CHN2: variants seen among roughly 807,000 people sequenced by gnomAD.
The protein encoded by CHN2 is chimerin 2.
CHN2 carries 35 observed loss-of-function variants against 56.3 expected under a neutral mutation model. The observed-to-expected ratio is 0.62, with a 90% confidence interval of 0.47 to 0.82. The LOEUF is 0.82. CHN2 is among the 40% of genes least tolerant of loss of function. CHN2 has a pLI of 0.00. For missense variants in CHN2, 491 were observed against 580.5 expected, an observed-to-expected ratio of 0.85 and a Z score of 1.58; for synonymous variants, 210 against 212.8, an observed-to-expected ratio of 0.99 and a Z score of 0.12.
chr7:29,389,594 G>A (rs1377976066), intron 3 of CHN2, among the ~76,000 whole-genome samples: 1 of 152,024 alleles, frequency 6.6e-6, no homozygotes, highest in Non-Finnish European at 1.5e-5. Context: ...TACCTTTAAG[G>A]ATATTCACAA....
At chr7:29,415,386 G>T (rs905626449) in intron 6 of CHN2, among the ~76,000 whole-genome samples, 3 of 152,196 alleles carry the variant, frequency 2.0e-5, no homozygotes, top group African/African-American at 7.2e-5. Context: ...CTCAAGTGGG[G>T]AGTTCCCACC....
intron 1 of CHN2, among the ~76,000 whole-genome samples, chr7:29,267,237 C>CTTT (rs11436051): frequency 4.1e-5 from 6 of 144,730 alleles, no homozygotes; most frequent in Admixed American, 2.8e-4. Flanking sequence ...GTGCATATTT[C>CTTT]TTTTTTTTTT....
intron 2 of CHN2, among the ~76,000 whole-genome samples, chr7:29,172,298 A>G (rs185661930): frequency 1.3e-5 from 2 of 152,350 alleles, no homozygotes. Context: ...GATTTCTGTT[A>G]GTTGACTGGT....
At chr7:29,291,391 G>T (rs1479430426) in intron 1 of CHN2, among the ~76,000 whole-genome samples, 1 of 152,086 alleles carries the variant, frequency 6.6e-6, no homozygotes, top group Admixed American at 6.5e-5. Flanking sequence ...TGGTGGTGGA[G>T]GGGTGCTCTC....
intron 1 of CHN2, among the ~76,000 whole-genome samples, chr7:29,338,160 T>C (rs988920505): frequency 1.3e-5 from 2 of 152,172 alleles, no homozygotes; most frequent in African/African-American, 4.8e-5. Flanking sequence ...TATGATAAAA[T>C]ATGGTAGGTC....
At chr7:29,199,934 G>A (rs1030592826) in intron 1 of CHN2, 12 of 152,316 alleles carry the variant, frequency 7.9e-5, no homozygotes, top group African/African-American at 2.9e-4. Flanking sequence ...GCTGGACAGT[G>A]TGTTCTGAGA....
At chr7:29,296,686 A>G (rs1386631294) in intron 1 of CHN2, among the ~76,000 whole-genome samples, 1 of 152,230 alleles carries the variant, frequency 6.6e-6, no homozygotes. Flanking sequence ...AATACTTTTT[A>G]AAAGTGCTTC....
intron 2 of CHN2, among the ~76,000 whole-genome samples, chr7:29,156,818 A>G (rs1794437350): frequency 3.6e-5 from 1 of 28,068 alleles, no homozygotes; most frequent in African/African-American, 3.9e-4. Context: ...TTCTTTATCA[A>G]AACTGACAGT....
intron 3 of CHN2, among the ~76,000 whole-genome samples, chr7:29,391,978 C>A (rs1274236707): frequency 6.6e-6 from 1 of 152,092 alleles, no homozygotes; most frequent in Non-Finnish European, 1.5e-5. Flanking sequence ...ATTAGTAACT[C>A]TTTCTCTTTT....
chr7:29,504,820 A>G lies in CHN2; in HGVS notation c.990A>G (p.Arg330=), dbSNP rs765761570. Residue 330 remains arginine, a splice_region_variant and synonymous_variant, in exon 10 of 13, where the codon AGA becomes AGG. Coordinates refer to ENST00000222792, the MANE Select transcript of CHN2 (RefSeq NM_004067.4). ...HIEDVKMAFD[R]DGEKADISAN... Reference sequence around the variant, plus strand: ...AAGATGTCAAAATGGCATTTGACAGAGGTAAGCTTGTACTTTCTTGAATGC... The same window carrying G: ...AAGATGTCAAAATGGCATTTGACAGGGGTAAGCTTGTACTTTCTTGAATGC... 6.2e-5 allele frequency: 100 copies of G among 1,610,188 alleles called. No homozygotes were observed. Among genetic ancestry groups the G allele is most frequent in the Non-Finnish European group, 8.4e-5 (99 of 1,176,904 alleles).
In CHN2 at chr7:29,344,380, G is replaced by A. The variant is rs145647070; in HGVS notation, c.50-10245G>A. On this transcript the variant is annotated intron_variant, in intron 1 of 12. Coordinates refer to ENST00000222792, the MANE Select transcript of CHN2 (RefSeq NM_004067.4). ...GCCCTTTAGAAGAGGTAAGTCCTTA[G>A]CATGGTTGTAAAACGCTTAATTATC... Among the ~76,000 whole-genome samples, 819 of 152,194 alleles carry A rather than the reference G, an allele frequency of 5.4e-3. 4 individuals are homozygous for A. Among genetic ancestry groups the A allele is most frequent in the African/African-American group, 0.019 (777 of 41,516 alleles).
At chr7:29,185,491 A>G (rs1233994074) in intron 2 of CHN2, 2 of 152,136 alleles carry the variant, frequency 1.3e-5, no homozygotes, top group African/African-American at 4.8e-5. Flanking sequence ...CGGCAAAAAC[A>G]TGGAGCAACA....
At chr7:29,374,836 CCTTCCTTCCTTCCTG>C (rs1799910444) in intron 3 of CHN2, among the ~76,000 whole-genome samples, 1 of 150,152 alleles carries the variant, frequency 6.7e-6, no homozygotes, top group African/African-American at 2.5e-5. Context: ...TTCCTTCCTT[CCTTCCTTCCTTCCTG>C]CCTCCCTCCC....
chr7:29,285,137 C>G (rs1283483099), intron 1 of CHN2, among the ~76,000 whole-genome samples: 1 of 152,182 alleles, frequency 6.6e-6, no homozygotes, highest in Non-Finnish European at 1.5e-5. Context: ...AACCACTGAT[C>G]TGATCCAACA....
chr7:29,270,379 C>T (rs969192551), intron 1 of CHN2, among the ~76,000 whole-genome samples: 4 of 151,184 alleles, frequency 2.6e-5, no homozygotes, highest in Admixed American at 2.0e-4. Context: ...CTAGGTCGAA[C>T]GCAGTGGCTC....
intron 1 of CHN2, among the ~76,000 whole-genome samples, chr7:29,211,506 T>G (rs1784957745): frequency 6.8e-6 from 1 of 146,424 alleles, no homozygotes; most frequent in African/African-American, 2.5e-5. Context: ...AAACAGAAGT[T>G]CCACAAAGAG....
intron 6 of CHN2, among the ~76,000 whole-genome samples, chr7:29,405,753 G>C (rs1000658794): frequency 1.3e-5 from 2 of 152,132 alleles, no homozygotes; most frequent in South Asian, 4.1e-4. Flanking sequence ...CCCACTCAGC[G>C]TTTTGTTTGT....
chr7:29,305,825 C>CCTCCTCCTCCTCGTCTTT lies in CHN2; in HGVS notation c.50-48788_50-48787insGTCTTTCTCCTCCTCCTC, dbSNP rs1368751547. 3.7e-3 allele frequency among the ~76,000 whole-genome samples: 569 copies of CCTCCTCCTCCTCGTCTTT among 152,024 alleles called. 3 individuals are homozygous for CCTCCTCCTCCTCGTCTTT. Among genetic ancestry groups the CCTCCTCCTCCTCGTCTTT allele is most frequent in the Admixed American group, 5.2e-3 (79 of 15,280 alleles). ...GTTCCTTCCTCCTCGTCTTTCTCCT[C>CCTCCTCCTCCTCGTCTTT]CTCCTCCTCCTCCTTTTCCTTTCTC... is the stretch of plus-strand genomic sequence containing the variant. On this transcript the variant is annotated intron_variant, in intron 1 of 12. Transcript: ENST00000222792.
At chr7:29,247,936 T>C (rs563404202) in intron 1 of CHN2, among the ~76,000 whole-genome samples, 1 of 152,380 alleles carries the variant, frequency 6.6e-6, no homozygotes, top group Admixed American at 6.5e-5. Context: ...CATCATTGCA[T>C]GTGAAACCAT....
Sources: allele counts gnomAD v4.1 joint callset (sites outside exome capture counted in the v4.1 genomes callset), GRCh38; gene constraint gnomAD v4.1.1; transcripts MANE v1.5; gene names NCBI Gene and HGNC (gene_info 2026-07-23, HGNC 2026-07-21).